MARK1: variants seen among roughly 807,000 people sequenced by gnomAD.
MARK1 encodes the protein microtubule affinity regulating kinase 1.
Under a neutral mutation model 96.3 loss-of-function variants are expected in MARK1, and 40 were observed. The ratio of observed to expected loss-of-function variants is 0.42; its 90% CI spans 0.32 to 0.54. The LOEUF is 0.54. Ranked by LOEUF, MARK1 falls within the 20% of genes least tolerant of loss-of-function variation. The pLI is 0.16. For synonymous variants in MARK1, 317 were observed against 341.2 expected, an observed-to-expected ratio of 0.93 and a Z score of 0.78; for missense variants, 719 against 984.6, an observed-to-expected ratio of 0.73 and a Z score of 3.61.
chr1:220,578,489 T>TATAG (rs1162110853), intron 1 of MARK1, among the ~76,000 whole-genome samples: 3 of 152,200 alleles, frequency 2.0e-5, no homozygotes. Flanking sequence ...TGGGCAGGAC[T>TATAG]ATAGATAGCT....
intron 9 of MARK1, among the ~76,000 whole-genome samples, chr1:220,628,614 G>A (rs1208038797): frequency 6.6e-6 from 1 of 151,910 alleles, no homozygotes. Flanking sequence ...TTAAATACTA[G>A]TGTTCCTTGA....
At chr1:220,642,834 G>A (rs1055239102) in intron 13 of MARK1, among the ~76,000 whole-genome samples, 23 of 152,134 alleles carry the variant, frequency 1.5e-4, no homozygotes, top group Non-Finnish European at 4.4e-5. Flanking sequence ...GGTCTGGAGT[G>A]GACCCCCAGA....
chr1:220,562,920 TA>T (rs1167082012), intron 1 of MARK1, among the ~76,000 whole-genome samples: 2 of 152,158 alleles, frequency 1.3e-5, no homozygotes, highest in African/African-American at 4.8e-5. Flanking sequence ...TTTCAATCCA[TA>T]GTTGGTTGAA....
chr1:220,600,482 A>T (rs1383284467), intron 5 of MARK1, among the ~76,000 whole-genome samples: 5 of 152,236 alleles, frequency 3.3e-5, no homozygotes, highest in African/African-American at 4.8e-5. Flanking sequence ...AAACACTGAT[A>T]TGTGATAGAA....
At chr1:220,588,877 A>G (rs1664814203) in intron 3 of MARK1, among the ~76,000 whole-genome samples, 1 of 152,202 alleles carries the variant, frequency 6.6e-6, no homozygotes, top group South Asian at 2.1e-4. Flanking sequence ...AAATATACAG[A>G]CAGAAGTTTT....
At chr1:220,560,839 G>T (rs114157695) in intron 1 of MARK1, among the ~76,000 whole-genome samples, 2 of 152,182 alleles carry the variant, frequency 1.3e-5, no homozygotes, top group Non-Finnish European at 2.9e-5. Flanking sequence ...GATAAGCTGG[G>T]AATACTGTAC....
chr1:220,626,543 G>C, intron 9 of MARK1: 1 of 486,326 alleles, frequency 2.1e-6, no homozygotes. Flanking sequence ...GCACATGCTG[G>C]CCTGTCGTGG....
intron 1 of MARK1, among the ~76,000 whole-genome samples, chr1:220,546,022 A>AC (rs1298502428): frequency 6.6e-6 from 1 of 151,702 alleles, no homozygotes; most frequent in South Asian, 2.1e-4. Context: ...TGAGTTCTTC[A>AC]CCCCCCATCT....
intron 13 of MARK1, among the ~76,000 whole-genome samples, chr1:220,637,894 A>T (rs551504673): frequency 3.5e-4 from 53 of 152,230 alleles, no homozygotes; most frequent in Non-Finnish European, 7.2e-4. Context: ...CAAAATTCCA[A>T]GTGGCTTCAA....
At chr1:220,559,080 A>T (rs1354663890) in intron 1 of MARK1, among the ~76,000 whole-genome samples, 1 of 152,240 alleles carries the variant, frequency 6.6e-6, no homozygotes, top group Non-Finnish European at 1.5e-5. Flanking sequence ...GCAGCCATTA[A>T]TGAAATAGCA....
intron 1 of MARK1, among the ~76,000 whole-genome samples, chr1:220,537,095 T>G (rs960241532): frequency 1.3e-5 from 2 of 152,000 alleles, no homozygotes; most frequent in Non-Finnish European, 2.9e-5. Context: ...CACCTAGTTT[T>G]TTTTTTTTTT....
intron 6 of MARK1, among the ~76,000 whole-genome samples, chr1:220,610,629 G>T (rs865969569): frequency 2.0e-5 from 3 of 152,158 alleles, no homozygotes; most frequent in Non-Finnish European, 2.9e-5. Flanking sequence ...AGGAGAAGAG[G>T]TGTTCTGATT....
At chr1:220,559,765 T>A (rs1322178404) in intron 1 of MARK1, among the ~76,000 whole-genome samples, 4 of 152,124 alleles carry the variant, frequency 2.6e-5, no homozygotes, top group African/African-American at 9.7e-5. Context: ...GATGACTGAG[T>A]GGATCTCTAA....
At chr1:220,541,842 TTC>T (rs1378379517) in intron 1 of MARK1, among the ~76,000 whole-genome samples, 1 of 152,260 alleles carries the variant, frequency 6.6e-6, no homozygotes, top group Non-Finnish European at 1.5e-5. Context: ...CATTCAACAA[TTC>T]TGTCTTTTGA....
At chr1:220,646,920 C>T (rs2815776) in intron 13 of MARK1, among the ~76,000 whole-genome samples, 1 of 152,140 alleles carries the variant, frequency 6.6e-6, no homozygotes, top group African/African-American at 2.4e-5. Context: ...GGAGTAAAGA[C>T]TTAAATGTAA....
chr1:220,591,215 A>C (rs1441860586), intron 3 of MARK1, among the ~76,000 whole-genome samples: 1 of 152,200 alleles, frequency 6.6e-6, no homozygotes, highest in Non-Finnish European at 1.5e-5. Flanking sequence ...AAATAAAAAA[A>C]CACCCCAATA....
intron 9 of MARK1, chr1:220,626,168 C>T (rs1026954893): frequency 3.4e-6 from 2 of 591,990 alleles, no homozygotes; most frequent in Non-Finnish European, 6.5e-6. Flanking sequence ...GCCAAGAAGC[C>T]TGAGGCATCT....
At chr1:220,546,390 A>T (rs1661493672) in intron 1 of MARK1, among the ~76,000 whole-genome samples, 1 of 152,226 alleles carries the variant, frequency 6.6e-6, no homozygotes, top group South Asian at 2.1e-4. Flanking sequence ...ATCACTTAGT[A>T]TACTAGAAAG....
chr1:220,646,522 C>A (rs1668583215), intron 13 of MARK1, among the ~76,000 whole-genome samples: 2 of 152,156 alleles, frequency 1.3e-5, no homozygotes, highest in South Asian at 4.1e-4. Context: ...ATTAAACCAC[C>A]ATTGACATTC....
Sources: allele counts gnomAD v4.1 joint callset (sites outside exome capture counted in the v4.1 genomes callset), GRCh38; gene constraint gnomAD v4.1.1; transcripts MANE v1.5; gene names NCBI Gene and HGNC (gene_info 2026-07-23, HGNC 2026-07-21).